The following STK35 variants were observed in gnomAD, a reference collection of about 807,000 sequenced individuals.
The protein encoded by STK35 is serine/threonine-protein kinase 35.
Under a neutral mutation model 37.3 loss-of-function variants are expected in STK35, and 17 were observed. The ratio of observed to expected loss-of-function variants is 0.46; its 90% confidence interval spans 0.31 to 0.68. The LOEUF (loss-of-function observed/expected upper bound fraction) is 0.68, where lower values mean the gene tolerates loss of function less well. Among genes scored for constraint, STK35 ranks in the 30% least tolerant of loss-of-function variants. The pLI, the probability that STK35 is intolerant of heterozygous loss-of-function variation, is 0.05. For missense variants in STK35, 595 were observed against 746.7 expected (o/e 0.80, Z 2.37); for synonymous variants, 385 against 319.1 (o/e 1.21, Z -2.20).
intron 2 of STK35, among the ~76,000 whole-genome samples, chr20:2,105,021 A>T (rs1266875236): frequency 6.6e-6 from 1 of 151,990 alleles, no homozygotes; most frequent in Non-Finnish European, 1.5e-5. Context: ...GCCGGACCTG[A>T]TGGCACAGGC....
chr20:2,118,859 TG>T (rs1985767189), intron 3 of STK35, among the ~76,000 whole-genome samples: 1 of 152,238 alleles, frequency 6.6e-6, no homozygotes, highest in African/African-American at 2.4e-5. Flanking sequence ...TGTACAGAAT[TG>T]TAGTCCAGGA....
At position 2,101,944 on chromosome 20, in the gene STK35, G is replaced by A. The variant is rs747774772; in HGVS notation, c.63G>A (p.Arg21=). Residue 21 remains arginine, a synonymous_variant, in exon 1 of 4, where the codon AGG becomes AGA. Transcript: ENST00000381482. The part of the protein sequence containing the change: ...APAGGAAYVK[R]LCKGLSWREH... ...CGGGAGGTGCAGCTTATGTAAAGAG[G>A]TTATGTAAAGGGCTCAGCTGGCGCG... 201 of 1,514,736 alleles carry A rather than the reference G, an allele frequency of 1.3e-4. No individual in the cohort carries two copies. In the Middle Eastern group the frequency reaches 2.7e-3, roughly 20 times the overall value. The allele number at this position is 1,514,736 out of a possible 1,614,324, so 93.8% of individuals were successfully genotyped here.
intron 1 of STK35, 140 bp from the exon 2 acceptor site, chr20:2,102,628 C>T: frequency 8.1e-6 from 6 of 741,440 alleles, no homozygotes; most frequent in Non-Finnish European, 1.2e-5. Context: ...CCCCTCCCCT[C>T]CCCCGTTCAA....
Position 2,116,766 on chromosome 20 carries a change from G to C in STK35, c.993G>C (p.Arg331Ser), listed in dbSNP as rs138226049. 6 of 1,614,008 alleles carry C rather than the reference G, an allele frequency of 3.7e-6. No homozygotes were observed. Among genetic ancestry groups the C allele is most frequent in the Non-Finnish European group, 5.1e-6 (6 of 1,180,042 alleles). Reference protein sequence around the residue: ...GDLNQYVLSRRPDPATNKSFM... With the variant: ...GDLNQYVLSRSPDPATNKSFM... The stretch of plus-strand genomic sequence containing the variant: ...TGAATCAGTATGTCCTGTCCCGGAG[G>C]CCAGACCCAGCCACCAACAAAAGTT... Residue 331 changes from arginine (R) to serine (S), a missense_variant, in exon 3 of 4, where the codon AGG becomes AGC. By Grantham distance (110) the Arg-to-Ser change is moderately radical (BLOSUM62 -1). Around this residue, in one of 3 missense-constraint regions of STK35, gnomAD observed 109 missense variants for 280.3 expected, o/e 0.39. Coordinates refer to ENST00000381482, the MANE Select transcript of STK35 (RefSeq NM_080836.4).
chr20:2,119,398 TAGAG>T (rs1038413528), intron 3 of STK35, among the ~76,000 whole-genome samples: 4 of 152,078 alleles, frequency 2.6e-5, no homozygotes, highest in South Asian at 2.1e-4. Flanking sequence ...ATGTGGAAAT[TAGAG>T]AGGACAGGGA....
intron 2 of STK35, 115 bp downstream of exon 2, chr20:2,103,480 C>T: frequency 1.0e-6 from 1 of 1,001,194 alleles, no homozygotes; most frequent in South Asian, 1.7e-5. Context: ...CCCTGTCACC[C>T]TGTGCCCTGA....
rs969741657 is a variant in STK35, at chr20:2,117,894, G to T, written c.*37+479G>T. Among the ~76,000 whole-genome samples, 1 of 152,158 alleles carries T rather than the reference G, an allele frequency of 6.6e-6. No homozygotes were observed. Among genetic ancestry groups the T allele is most frequent in the Non-Finnish European group, 1.5e-5 (1 of 68,040 alleles). On this transcript the variant is annotated intron_variant, in intron 3 of 3. Transcript: ENST00000381482. This position sits in a 1 kb window ranked among gnomAD's most constrained non-coding sequence, Gnocchi z 4.4. ...CCCCCCATATCTTGATGGGAGAAAC[G>T]TGCAATTATCTGAGTACACGTTGGA... is the stretch of plus-strand genomic sequence containing the variant.
chr20:2,109,891 C>T (rs1001931091), intron 2 of STK35, among the ~76,000 whole-genome samples: 4 of 152,172 alleles, frequency 2.6e-5, no homozygotes, highest in African/African-American at 9.7e-5. Context: ...GAATGTTGAC[C>T]CCAGGCCTGG....
intron 3 of STK35, among the ~76,000 whole-genome samples, chr20:2,126,968 A>G (rs1985917052): frequency 6.6e-6 from 1 of 152,192 alleles, no homozygotes; most frequent in Admixed American, 6.5e-5. Context: ...AGTGAGGAAG[A>G]TGAAAATGCT....
chr20:2,126,050 G>A (rs1985899739), intron 3 of STK35, among the ~76,000 whole-genome samples: 1 of 152,180 alleles, frequency 6.6e-6, no homozygotes, highest in Non-Finnish European at 1.5e-5. Context: ...AAGTTGATGA[G>A]GACCCAGCAG....
At chr20:2,102,463 C>A (rs1985412795) in intron 1 of STK35, among the ~76,000 whole-genome samples, 2 of 152,232 alleles carry the variant, frequency 1.3e-5, no homozygotes, top group African/African-American at 4.8e-5. Flanking sequence ...CCGGCCAAAT[C>A]GCGTCTCTAA....
intron 2 of STK35, among the ~76,000 whole-genome samples, chr20:2,104,241 CTGCT>C (rs1289913864): frequency 6.6e-6 from 1 of 152,168 alleles, no homozygotes; most frequent in Non-Finnish European, 1.5e-5. Flanking sequence ...AGCTAAGTGT[CTGCT>C]TGGAGAGGAG....
At chr20:2,104,220 A>T (rs1158016558) in intron 2 of STK35, among the ~76,000 whole-genome samples, 1 of 152,160 alleles carries the variant, frequency 6.6e-6, no homozygotes, top group East Asian at 1.9e-4. Context: ...AGCCTTTTTC[A>T]TACTACCAGT....
chr20:2,130,444 T>G (rs1291471060), intron 3 of STK35, among the ~76,000 whole-genome samples: 1 of 152,180 alleles, frequency 6.6e-6, no homozygotes, highest in African/African-American at 2.4e-5. Flanking sequence ...CTGCTATAAT[T>G]GTGTTTCAAG....
intron 3 of STK35, among the ~76,000 whole-genome samples, chr20:2,120,488 A>C (rs968814406): frequency 6.6e-6 from 1 of 152,112 alleles, no homozygotes; most frequent in African/African-American, 2.4e-5. Context: ...GGGCACTTAG[A>C]ATTGTGGGCC....
chr20:2,130,525 A>G (rs1034489206), intron 3 of STK35, among the ~76,000 whole-genome samples: 3 of 152,158 alleles, frequency 2.0e-5, no homozygotes, highest in Non-Finnish European at 4.4e-5. Context: ...GTCTTGTCAC[A>G]TGGGCAGCCT....
rs1178110352 is a variant in STK35, at chr20:2,102,113, C to T, written c.232C>T (p.His78Tyr). ...SRRQPGPGAD[H>Y]PQAGAPGGKR... ...GAGGCAGCCCGGGCCCGGAGCGGAC[C>T]ATCCCCAGGCAGGGGCTCCAGGGGG... Residue 78 changes from histidine (H) to tyrosine (Y), a missense_variant, in exon 1 of 4, where the codon CAT becomes TAT. Transcript: ENST00000381482. 5 of 1,437,080 alleles carry T rather than the reference C, an allele frequency of 3.5e-6. No homozygotes were observed. The highest frequency in any genetic ancestry group is 2.5e-4 in the Middle Eastern group (1 of 4,076). 89.0% of individuals were successfully genotyped at this position (1,437,080 alleles called of 1,614,324 possible).
intron 3 of STK35, among the ~76,000 whole-genome samples, chr20:2,133,313 C>T (rs1462853324): frequency 6.6e-6 from 1 of 152,318 alleles, no homozygotes; most frequent in Middle Eastern, 3.4e-3. Context: ...TCAGCCTTTC[C>T]CTTGGGCTCT....
At chr20:2,127,551 C>CA in intron 3 of STK35, among the ~76,000 whole-genome samples, 1 of 152,290 alleles carries the variant, frequency 6.6e-6, no homozygotes, top group East Asian at 1.9e-4. Flanking sequence ...ACACCCCAGA[C>CA]AAACAGGCTA....
Sources: allele counts gnomAD v4.1 joint callset (sites outside exome capture counted in the v4.1 genomes callset), GRCh38; gene constraint gnomAD v4.1.1; regional missense constraint gnomAD v4.1.1; non-coding constraint Gnocchi (gnomAD v3.1); transcripts MANE v1.5; gene names NCBI Gene and HGNC (gene_info 2026-07-23, HGNC 2026-07-21).